Variants in NCOA1 observed in about 807,000 individuals in gnomAD.
NCOA1 encodes nuclear receptor coactivator 1.
Under a neutral mutation model 150.9 loss-of-function variants are expected in NCOA1, and 35 were observed. That is an observed-to-expected ratio of 0.23 (90% confidence interval 0.18 to 0.31). NCOA1 has a LOEUF of 0.31. Among genes scored for constraint, NCOA1 ranks in the 10% least tolerant of loss-of-function variants. The pLI is 1.00. For synonymous variants in NCOA1, 590 were observed against 630.0 expected (o/e 0.94, Z 0.95); for missense variants, 1,491 against 1,749.3 (o/e 0.85, Z 2.63).
intron 3 of NCOA1, among the ~76,000 whole-genome samples, chr2:24,595,165 AT>A (rs1324535343): frequency 6.6e-6 from 1 of 152,052 alleles, no homozygotes; most frequent in Non-Finnish European, 1.5e-5. Flanking sequence ...CCATGTTTCT[AT>A]TTGATAGTTG....
intron 1 of NCOA1, among the ~76,000 whole-genome samples, chr2:24,529,533 T>C (rs868809466): frequency 6.6e-6 from 1 of 152,068 alleles, no homozygotes; most frequent in Non-Finnish European, 1.5e-5. Flanking sequence ...TATAAGGTAT[T>C]GCTGTGTTGC....
chr2:24,560,601 T>C (rs1666257888), intron 1 of NCOA1, among the ~76,000 whole-genome samples: 1 of 152,184 alleles, frequency 6.6e-6, no homozygotes, highest in South Asian at 2.1e-4. Flanking sequence ...ACTTCATCTT[T>C]TAGGTTTGAA....
At chr2:24,761,302 GA>G (rs1299650160) in intron 21 of NCOA1, among the ~76,000 whole-genome samples, 4 of 152,230 alleles carry the variant, frequency 2.6e-5, no homozygotes, top group Admixed American at 2.6e-4. Flanking sequence ...GCACTGGGAT[GA>G]GGTTCAGTTA....
chr2:24,641,652 C>T (rs79921806), intron 3 of NCOA1, among the ~76,000 whole-genome samples: 1 of 152,060 alleles, frequency 6.6e-6, no homozygotes, highest in Non-Finnish European at 1.5e-5. Flanking sequence ...TCCCCACCCC[C>T]CTTCAGCATT....
In NCOA1 at chr2:24,768,385, T is replaced by C; in HGVS notation, c.4320T>C (p.Thr1440=). ...QQKSLLQQLL[T]E ...AGAGCCTCCTTCAGCAGCTACTGAC[T>C]GAATAACCACTTTTAAAGGAATGTG... is the stretch of plus-strand genomic sequence containing the variant. The change falls in exon 23 of 23, where the codon ACT becomes ACC. Residue 1440 remains threonine (T), a synonymous_variant. Transcript: ENST00000348332. The C allele has an allele frequency of 6.2e-7, 1 of 1,604,958 alleles. No homozygotes were observed. Among genetic ancestry groups the C allele is most frequent in the Non-Finnish European group, 8.5e-7 (1 of 1,174,498 alleles).
At chr2:24,629,987 G>T (rs1041921286) in intron 3 of NCOA1, among the ~76,000 whole-genome samples, 5 of 151,484 alleles carry the variant, frequency 3.3e-5, no homozygotes, top group Non-Finnish European at 7.4e-5. Flanking sequence ...GGGACTACAG[G>T]CATCTGCCAT....
intron 1 of NCOA1, among the ~76,000 whole-genome samples, chr2:24,514,027 G>A (rs1348079908): frequency 6.6e-6 from 1 of 152,124 alleles, no homozygotes; most frequent in Non-Finnish European, 1.5e-5. Flanking sequence ...GGTGGCTCAT[G>A]CCTGTAATCT....
intron 8 of NCOA1, among the ~76,000 whole-genome samples, chr2:24,688,239 G>A (rs189190852): frequency 2.8e-4 from 43 of 152,204 alleles, no homozygotes; most frequent in Non-Finnish European, 4.9e-4. Context: ...CTTTATGGTG[G>A]AATGATTTAT....
In NCOA1 at chr2:24,704,997, G is replaced by T. The variant is rs1376431436; in HGVS notation, c.950-89G>T. The stretch of plus-strand genomic sequence containing the variant: ...CAACAGTTGGGAGGGCCTTTAAAAT[G>T]AGGTTCTAAGTAGAAATAAAACCTG... On this transcript the variant is annotated intron_variant, in intron 11 of 22. Transcript: ENST00000348332. 35 of 1,377,016 alleles carry T rather than the reference G, an allele frequency of 2.5e-5. 2 individuals are homozygous for T. In the South Asian group the frequency reaches 5.1e-4, roughly 20 times the overall value. The allele number at this position is 1,377,016 out of a possible 1,614,324, so 85.3% of individuals were successfully genotyped here.
chr2:24,695,772 A>G (rs1030173383), intron 10 of NCOA1, among the ~76,000 whole-genome samples: 4 of 152,184 alleles, frequency 2.6e-5, no homozygotes, highest in Non-Finnish European at 5.9e-5. Context: ...CAAGCTGTTC[A>G]TGATTCTTCA....
chr2:24,611,719 A>G (rs1463461542), intron 3 of NCOA1, among the ~76,000 whole-genome samples: 2 of 152,090 alleles, frequency 1.3e-5, no homozygotes, highest in Non-Finnish European at 2.9e-5. Context: ...TCTGTTTTAT[A>G]TGATGTAAGA....
chr2:24,751,369 G>T (rs1438828814), intron 19 of NCOA1, among the ~76,000 whole-genome samples: 1 of 151,576 alleles, frequency 6.6e-6, no homozygotes, highest in Non-Finnish European at 1.5e-5. Flanking sequence ...GATCACCTGA[G>T]GTCAGGAGTT....
intron 1 of NCOA1, among the ~76,000 whole-genome samples, chr2:24,531,375 C>T (rs933465387): frequency 1.3e-5 from 2 of 152,034 alleles, no homozygotes; most frequent in African/African-American, 4.8e-5. Context: ...GCATATACAC[C>T]ATGGAATACT....
intron 18 of NCOA1, among the ~76,000 whole-genome samples, chr2:24,739,987 AC>A (rs1350835317): frequency 6.6e-6 from 1 of 151,764 alleles, no homozygotes; most frequent in Non-Finnish European, 1.5e-5. Flanking sequence ...TTTTTAATAA[AC>A]CCAGAGCCAT....
At chr2:24,501,329 T>G (rs1400623457) in intron 1 of NCOA1, among the ~76,000 whole-genome samples, 1 of 152,196 alleles carries the variant, frequency 6.6e-6, no homozygotes, top group Non-Finnish European at 1.5e-5. Flanking sequence ...AATATAGAAC[T>G]AGACCTTCAA....
chr2:24,685,190 A>G (rs1672346401), intron 8 of NCOA1, among the ~76,000 whole-genome samples: 1 of 152,032 alleles, frequency 6.6e-6, no homozygotes, highest in African/African-American at 2.4e-5. Context: ...CCAAGGAGAA[A>G]TTTTGAAGAA....
Position 24,706,552 on chromosome 2 carries a change from G to T in NCOA1, c.1098-16G>T. 6.4e-7 allele frequency: 1 copy of T among 1,564,340 alleles called. No individual in the cohort carries two copies. Among genetic ancestry groups the T allele is most frequent in the Admixed American group, 2.0e-5 (1 of 51,272 alleles). ...CAAATGAAGATGTTTGAATAATAAT[G>T]TCTTTTTCCCCCTAGGGAGCACAGT... On this transcript the variant is annotated splice_polypyrimidine_tract_variant and intron_variant, in intron 12 of 22. Coordinates refer to ENST00000348332, the MANE Select transcript of NCOA1 (RefSeq NM_003743.5).
At chr2:24,670,662 C>G (rs1353149387) in intron 6 of NCOA1, among the ~76,000 whole-genome samples, 2 of 152,058 alleles carry the variant, frequency 1.3e-5, no homozygotes, top group Non-Finnish European at 2.9e-5. Context: ...GTAGATGCCT[C>G]AGACTTAGGG....
intron 22 of NCOA1, among the ~76,000 whole-genome samples, chr2:24,765,227 G>A (rs192493591): frequency 2.2e-3 from 340 of 152,034 alleles, no homozygotes; most frequent in Non-Finnish European, 4.1e-3. Context: ...TGGGGAGCCG[G>A]GTGCGGTGGC....
Sources: allele counts gnomAD v4.1 joint callset (sites outside exome capture counted in the v4.1 genomes callset), GRCh38; gene constraint gnomAD v4.1.1; transcripts MANE v1.5; gene names NCBI Gene and HGNC (gene_info 2026-07-23, HGNC 2026-07-21).